Variants in UNC13B observed in about 807,000 individuals in gnomAD.
UNC13B encodes protein unc-13 homolog B.
Under a neutral mutation model 211.0 loss-of-function variants are expected in UNC13B, and 144 were observed. That is an observed-to-expected ratio of 0.68 (90% confidence interval 0.60 to 0.78). UNC13B has a LOEUF of 0.78. Ranked by LOEUF, UNC13B falls within the 30% of genes least tolerant of loss-of-function variation. UNC13B has a pLI of 0.00. For synonymous variants in UNC13B, 709 were observed against 725.8 expected, an observed-to-expected ratio of 0.98 and a Z score of 0.37; for missense variants, 1,777 against 2,002.0, an observed-to-expected ratio of 0.89 and a Z score of 2.14.
intron 11 of UNC13B, among the ~76,000 whole-genome samples, chr9:35,347,683 G>T (rs2132045324): frequency 6.6e-6 from 1 of 152,320 alleles, no homozygotes; most frequent in Admixed American, 6.5e-5. Flanking sequence ...AGGTGTGGAG[G>T]CTTTTGTTTG....
chr9:35,249,801 T>G (rs888794860), intron 6 of UNC13B, among the ~76,000 whole-genome samples: 2 of 152,196 alleles, frequency 1.3e-5, no homozygotes, highest in Admixed American at 6.5e-5. Flanking sequence ...TTTCCTTCAT[T>G]TCAACTTTGG....
rs375653139 is a variant in UNC13B at position 35,306,399 on chromosome 9, T to C, written c.6995T>C (p.Ile2332Thr). 245 of 399,040 alleles carry C rather than the reference T, an allele frequency of 6.1e-4. 2 individuals carry two copies. In the South Asian group the frequency reaches 0.019, roughly 32 times the overall value. 24.7% of individuals were successfully genotyped at this position (399,040 alleles called of 1,614,324 possible). A position where few individuals can be genotyped will look rare whatever the true frequency, so the allele number is the denominator to read the frequency against. The change falls in exon 9 of 40, where the codon ATT (isoleucine) becomes ACT (threonine). Residue 2332 changes from isoleucine to threonine, a missense_variant. Transcript: ENST00000635942. ...FQMNELQKDI[I>T]PPSPEFQAQA... ...ATGAATGAATTGCAAAAAGACATTA[T>C]TCCTCCTTCACCAGAATTTCAGGCA...
intron 8 of UNC13B, among the ~76,000 whole-genome samples, chr9:35,297,054 A>C (rs1829395028): frequency 6.7e-6 from 1 of 149,748 alleles, no homozygotes; most frequent in Non-Finnish European, 1.5e-5. Context: ...ATTTAGCAAA[A>C]ATTTCATTAC....
rs972002954 is a variant in UNC13B at position 35,225,439 on chromosome 9, G to A, written c.23-2576G>A. ...CAAAGTGCTGGGATTACAGGTGTGAGCCACCATGCCCGGCTGAATGTTTCT... is the reference window on the plus strand; with the variant it reads ...CAAAGTGCTGGGATTACAGGTGTGAACCACCATGCCCGGCTGAATGTTTCT... On this transcript the variant is annotated intron_variant, in intron 1 of 39. Coordinates refer to ENST00000635942, the MANE Select transcript of UNC13B (RefSeq NM_001371189.2). Among the ~76,000 whole-genome samples the A allele has an allele frequency of 2.0e-5, 3 of 152,206 alleles. No individual in the cohort carries two copies. The South Asian group carries it at 6.2e-4, about 31-fold the overall frequency.
intron 26 of UNC13B, among the ~76,000 whole-genome samples, chr9:35,393,258 G>C (rs1158472303): frequency 2.0e-5 from 3 of 152,190 alleles, no homozygotes; most frequent in Admixed American, 2.0e-4. Flanking sequence ...ATGTAACCCA[G>C]ATTCTGAGGA....
At chr9:35,348,267 C>A (rs1266366962) in intron 11 of UNC13B, among the ~76,000 whole-genome samples, 1 of 152,128 alleles carries the variant, frequency 6.6e-6, no homozygotes, top group Non-Finnish European at 1.5e-5. Flanking sequence ...CCTTAGAAGA[C>A]CTGGCAATGA....
At chr9:35,192,006 C>A (rs556634897) in intron 1 of UNC13B, among the ~76,000 whole-genome samples, 4 of 152,298 alleles carry the variant, frequency 2.6e-5, no homozygotes, top group East Asian at 1.9e-4. Flanking sequence ...CAAATATAAA[C>A]AATAATCCTT....
At chr9:35,324,585 T>A (rs756523000) in intron 11 of UNC13B, among the ~76,000 whole-genome samples, 1 of 152,200 alleles carries the variant, frequency 6.6e-6, no homozygotes, top group African/African-American at 2.4e-5. Flanking sequence ...TCCTAACTGA[T>A]AACTTAGTGG....
At chr9:35,279,629 T>G (rs1828374126) in intron 7 of UNC13B, among the ~76,000 whole-genome samples, 1 of 152,212 alleles carries the variant, frequency 6.6e-6, no homozygotes, top group Admixed American at 6.5e-5. Context: ...AATTGATATT[T>G]TATATACATA....
At chr9:35,329,851 C>A (rs1831268076) in intron 11 of UNC13B, among the ~76,000 whole-genome samples, 1 of 152,138 alleles carries the variant, frequency 6.6e-6, no homozygotes, top group Non-Finnish European at 1.5e-5. Context: ...AACTAATATA[C>A]CTCCCATGGC....
At chr9:35,274,988 T>G (rs971596116) in intron 7 of UNC13B, among the ~76,000 whole-genome samples, 10 of 152,226 alleles carry the variant, frequency 6.6e-5, no homozygotes, top group African/African-American at 2.4e-4. Context: ...CTCAAAGTCA[T>G]TTGTGATTTA....
intron 1 of UNC13B, among the ~76,000 whole-genome samples, chr9:35,213,492 G>A (rs1824084860): frequency 6.6e-6 from 1 of 152,126 alleles, no homozygotes; most frequent in Admixed American, 6.5e-5. Context: ...AATCTATGGT[G>A]TCTTATTAAG....
intron 1 of UNC13B, among the ~76,000 whole-genome samples, chr9:35,225,164 T>G (rs908613845): frequency 6.6e-6 from 1 of 152,110 alleles, no homozygotes. Flanking sequence ...TCTTGTTTGT[T>G]GTTGTTGTTA....
chr9:35,255,520 GA>G (rs1465632400), intron 6 of UNC13B, among the ~76,000 whole-genome samples: 2 of 152,108 alleles, frequency 1.3e-5, no homozygotes, highest in African/African-American at 4.8e-5. Context: ...TCGGGCATCA[GA>G]GTTTTTAAAG....
intron 3 of UNC13B, 28 bp from the exon 4 acceptor site, chr9:35,236,441 C>T (rs745387661): frequency 1.3e-6 from 2 of 1,577,128 alleles, no homozygotes; most frequent in Admixed American, 3.4e-5. Flanking sequence ...GTCTAGCTTT[C>T]CTCAAAGGGC....
intron 3 of UNC13B, among the ~76,000 whole-genome samples, chr9:35,235,323 T>C (rs1275683560): frequency 3.9e-5 from 6 of 152,218 alleles, no homozygotes; most frequent in African/African-American, 1.2e-4. Context: ...CTCCAGGGAC[T>C]GAGTGGTGTG....
intron 1 of UNC13B, among the ~76,000 whole-genome samples, chr9:35,172,646 A>C (rs1821394470): frequency 6.6e-6 from 1 of 152,230 alleles, no homozygotes; most frequent in Admixed American, 6.5e-5. Flanking sequence ...TACATTAAAA[A>C]ATTCTTTTGT....
chr9:35,170,271 T>C (rs2131255978), intron 1 of UNC13B, among the ~76,000 whole-genome samples: 1 of 152,242 alleles, frequency 6.6e-6, no homozygotes, highest in Middle Eastern at 3.4e-3. Context: ...GTTCAAGCGA[T>C]TCTCCTGACT....
intron 1 of UNC13B, among the ~76,000 whole-genome samples, chr9:35,198,898 A>C (rs543184227): frequency 6.6e-6 from 1 of 152,298 alleles, no homozygotes; most frequent in South Asian, 2.1e-4. Context: ...TCTAGGGTAC[A>C]TGTGCACAAC....
Sources: allele counts gnomAD v4.1 joint callset (sites outside exome capture counted in the v4.1 genomes callset), GRCh38; gene constraint gnomAD v4.1.1; transcripts MANE v1.5; gene names NCBI Gene and HGNC (gene_info 2026-07-23, HGNC 2026-07-21).